ARHGAP24: variants seen among roughly 807,000 people sequenced by gnomAD.
ARHGAP24 encodes Rho GTPase activating protein 24.
ARHGAP24 carries 50 observed loss-of-function variants against 76.4 expected under a neutral mutation model. That is an observed-to-expected ratio of 0.65 (90% CI 0.52 to 0.83). The LOEUF is 0.83. Among genes scored for constraint, ARHGAP24 ranks in the 40% least tolerant of loss-of-function variants. The probability of loss-of-function intolerance (pLI) is 0.00; values close to 1 mark genes in which losing one functional copy is unlikely to be tolerated. For missense variants in ARHGAP24, 930 were observed against 914.2 expected (o/e 1.02, Z -0.22); for synonymous variants, 345 against 323.3 (o/e 1.07, Z -0.72).
intron 5 of ARHGAP24, among the ~76,000 whole-genome samples, chr4:85,944,568 T>C (rs750432197): frequency 6.6e-6 from 1 of 152,220 alleles, no homozygotes; most frequent in Non-Finnish European, 1.5e-5. Flanking sequence ...AGCTCTTTAG[T>C]TTAATTAGAT....
intron 3 of ARHGAP24, among the ~76,000 whole-genome samples, chr4:85,788,250 G>A (rs904459406): frequency 1.3e-5 from 2 of 152,114 alleles, no homozygotes; most frequent in South Asian, 4.1e-4. Flanking sequence ...AAGAAAGTAA[G>A]TTAATCAAAA....
chr4:85,537,367 T>C (rs1266473047), intron 1 of ARHGAP24, among the ~76,000 whole-genome samples: 1 of 152,178 alleles, frequency 6.6e-6, no homozygotes. Context: ...TTCTTTCTTT[T>C]CCTTTCTTGA....
intron 3 of ARHGAP24, among the ~76,000 whole-genome samples, chr4:85,724,510 TATATATATATATATATATAG>T (rs1353239792): frequency 0.019 from 590 of 30,282 alleles, 6 homozygotes; most frequent in Non-Finnish European, 0.089. Flanking sequence ...TATATATATA[TATATATATATATATATATAG>T]GAATTTTTAT....
chr4:85,532,083 C>T (rs1309317467), intron 1 of ARHGAP24, among the ~76,000 whole-genome samples: 1 of 137,824 alleles, frequency 7.3e-6, no homozygotes, highest in Non-Finnish European at 1.6e-5. Context: ...AGCAGCAACT[C>T]AGTCATGTGC....
At chr4:85,801,632 TA>T (rs1481904919) in intron 3 of ARHGAP24, among the ~76,000 whole-genome samples, 2 of 152,246 alleles carry the variant, frequency 1.3e-5, no homozygotes, top group African/African-American at 2.4e-5. Flanking sequence ...CATTTCTCTG[TA>T]CTTTAGAAAT....
intron 1 of ARHGAP24, among the ~76,000 whole-genome samples, chr4:85,489,505 G>A (rs971242537): frequency 3.9e-5 from 6 of 152,184 alleles, no homozygotes; most frequent in African/African-American, 1.4e-4. Context: ...AACAGGAGAG[G>A]TCAAATAGAG....
At chr4:85,505,703 C>T (rs910178571) in intron 1 of ARHGAP24, among the ~76,000 whole-genome samples, 3 of 151,802 alleles carry the variant, frequency 2.0e-5, no homozygotes, top group Admixed American at 2.0e-4. Context: ...TTGTTATTAC[C>T]GATCTTCTGA....
intron 3 of ARHGAP24, among the ~76,000 whole-genome samples, chr4:85,820,725 A>G (rs1342839614): frequency 6.6e-6 from 1 of 152,208 alleles, no homozygotes; most frequent in Non-Finnish European, 1.5e-5. Flanking sequence ...ACTCACCATG[A>G]TGAATTGTTC....
intron 1 of ARHGAP24, among the ~76,000 whole-genome samples, chr4:85,542,065 A>C (rs141400493): frequency 2.4e-4 from 36 of 152,306 alleles, no homozygotes; most frequent in Non-Finnish European, 4.0e-4. Flanking sequence ...AAGCATCTTA[A>C]AACCTTTAAC....
chr4:85,881,881 C>T (rs2665864), intron 3 of ARHGAP24, among the ~76,000 whole-genome samples: 133,560 of 152,216 alleles, frequency 0.88, 58,674 homozygotes, highest in East Asian at 0.99. Context: ...TAAAATAAAT[C>T]GGATATTATT....
At chr4:85,841,110 C>T (rs1218757038) in intron 3 of ARHGAP24, among the ~76,000 whole-genome samples, 1 of 152,180 alleles carries the variant, frequency 6.6e-6, no homozygotes, top group Non-Finnish European at 1.5e-5. Context: ...AAAAACTGCT[C>T]AGTAGGCTAT....
chr4:85,921,853 T>A (rs937016001), intron 3 of ARHGAP24, among the ~76,000 whole-genome samples: 9 of 152,096 alleles, frequency 5.9e-5, no homozygotes, highest in African/African-American at 1.4e-4. Flanking sequence ...CCGCTCCTTA[T>A]GATAGTTGAA....
rs937687130 is a variant in ARHGAP24, at chr4:85,995,199, G to A, written c.1545G>A (p.Lys515=). Residue 515 remains lysine (K), a synonymous_variant, in exon 9 of 10, where the codon AAG becomes AAA. Transcript: ENST00000395184. Reference sequence around the variant, plus strand: ...GCTATGTGACCCTGAGGGATAACAAGCAGAAAGAACAAGCTGGAGAGTTAG... The same window carrying A: ...GCTATGTGACCCTGAGGGATAACAAACAGAAAGAACAAGCTGGAGAGTTAG... ...PNGYVTLRDN[K]QKEQAGELGQ... The A allele has an allele frequency of 1.2e-6, 2 of 1,613,872 alleles. No homozygotes were observed. Among genetic ancestry groups the A allele is most frequent in the Admixed American group, 1.7e-5 (1 of 59,974 alleles).
At chr4:85,680,191 C>A (rs1275765167) in intron 2 of ARHGAP24, among the ~76,000 whole-genome samples, 1 of 152,132 alleles carries the variant, frequency 6.6e-6, no homozygotes, top group Non-Finnish European at 1.5e-5. Context: ...AACTTTCTGG[C>A]CTCTGTGTAA....
chr4:85,911,226 C>T (rs749950504), intron 3 of ARHGAP24, among the ~76,000 whole-genome samples: 62 of 152,274 alleles, frequency 4.1e-4, no homozygotes, highest in East Asian at 5.8e-4. Flanking sequence ...GGGGAGCTCC[C>T]GCCCTAACTC....
At chr4:85,654,434 A>G (rs1722059909) in intron 2 of ARHGAP24, among the ~76,000 whole-genome samples, 1 of 152,186 alleles carries the variant, frequency 6.6e-6, no homozygotes, top group African/African-American at 2.4e-5. Flanking sequence ...TTTAGTTCAT[A>G]ACACATACTT....
At chr4:85,669,374 A>G (rs144686720) in intron 2 of ARHGAP24, among the ~76,000 whole-genome samples, 202 of 152,148 alleles carry the variant, frequency 1.3e-3, no homozygotes, top group Middle Eastern at 3.4e-3. Context: ...CAGCAGCTCA[A>G]TAGGCCCATT....
At chr4:85,964,458 G>T (rs1738452273) in intron 5 of ARHGAP24, among the ~76,000 whole-genome samples, 1 of 152,124 alleles carries the variant, frequency 6.6e-6, no homozygotes, top group Non-Finnish European at 1.5e-5. Context: ...CAAAGTGATA[G>T]TGGAACTCAT....
At chr4:85,900,650 T>G (rs1734440851) in intron 3 of ARHGAP24, among the ~76,000 whole-genome samples, 1 of 152,224 alleles carries the variant, frequency 6.6e-6, no homozygotes, top group East Asian at 1.9e-4. Context: ...GATCTCAAAC[T>G]CCTGACCACA....
Sources: allele counts gnomAD v4.1 joint callset (sites outside exome capture counted in the v4.1 genomes callset), GRCh38; gene constraint gnomAD v4.1.1; transcripts MANE v1.5; gene names NCBI Gene and HGNC (gene_info 2026-07-23, HGNC 2026-07-21).